The following PDE4D variants were observed in gnomAD, a reference collection of about 807,000 sequenced individuals.
The protein encoded by PDE4D is phosphodiesterase 4D, also known as 3',5'-cyclic-AMP phosphodiesterase 4D.
In PDE4D, 24 loss-of-function variants were observed where a neutral mutation model predicts 87.4. That is an observed-to-expected ratio of 0.27 (90% CI 0.20 to 0.39). The LOEUF (loss-of-function observed/expected upper bound fraction) is 0.39. PDE4D is among the 10% of genes least tolerant of loss of function. The pLI, the probability that PDE4D is intolerant of heterozygous loss-of-function variation, is 1.00. For missense variants in PDE4D, 714 were observed against 1,041.0 expected (o/e 0.69, Z 4.32); for synonymous variants, 384 against 383.2 (o/e 1.00, Z -0.02).
At chr5:59,805,007 G>T (rs943608858) in intron 1 of PDE4D, among the ~76,000 whole-genome samples, 2 of 152,118 alleles carry the variant, frequency 1.3e-5, no homozygotes, top group African/African-American at 4.8e-5. Context: ...TGGCCAGGCT[G>T]ATCTCAAATT....
chr5:60,085,854 C>T (rs1412630024), intron 2 of PDE4D, among the ~76,000 whole-genome samples: 1 of 152,116 alleles, frequency 6.6e-6, no homozygotes, highest in Non-Finnish European at 1.5e-5. Flanking sequence ...AGGTGAAAGG[C>T]CATGTTTATG....
At chr5:60,287,893 G>A (rs1034860534) in intron 1 of PDE4D, among the ~76,000 whole-genome samples, 1 of 152,148 alleles carries the variant, frequency 6.6e-6, no homozygotes, top group South Asian at 2.1e-4. Context: ...CCAAGAGGGA[G>A]GTACCTGATG....
At chr5:59,023,514 G>A (rs975694306) in intron 6 of PDE4D, among the ~76,000 whole-genome samples, 2 of 151,802 alleles carry the variant, frequency 1.3e-5, no homozygotes, top group East Asian at 1.9e-4. Flanking sequence ...CAGAAAAGCC[G>A]GTCTGGTGGC....
At chr5:59,482,293 A>T (rs1326205467) in intron 1 of PDE4D, among the ~76,000 whole-genome samples, 1 of 152,104 alleles carries the variant, frequency 6.6e-6, no homozygotes, top group East Asian at 1.9e-4. Context: ...TTAAGTGATG[A>T]TGTGTTTGTT....
At chr5:59,507,679 A>AAGAAAAG (rs1554198806) in intron 1 of PDE4D, among the ~76,000 whole-genome samples, 1 of 118,712 alleles carries the variant, frequency 8.4e-6, no homozygotes, top group Admixed American at 9.2e-5. Flanking sequence ...AAAAAAAAAA[A>AAGAAAAG]AAAAGAAAAG....
At chr5:60,182,780 T>C (rs1164875189) in intron 2 of PDE4D, among the ~76,000 whole-genome samples, 1 of 151,120 alleles carries the variant, frequency 6.6e-6, no homozygotes, top group African/African-American at 2.4e-5. Context: ...CTCGGGAGGC[T>C]GAGGCAGGAG....
At chr5:59,888,018 A>T (rs1750417343) in intron 1 of PDE4D, among the ~76,000 whole-genome samples, 1 of 152,206 alleles carries the variant, frequency 6.6e-6, no homozygotes. Context: ...TGTGTTAAGT[A>T]ATTTAACCCC....
intron 1 of PDE4D, among the ~76,000 whole-genome samples, chr5:60,204,188 A>G (rs1222202714): frequency 1.3e-5 from 2 of 152,088 alleles, no homozygotes; most frequent in Non-Finnish European, 2.9e-5. Flanking sequence ...CTGTCTGTCT[A>G]TCTATCTATC....
chr5:59,587,484 C>A, intron 1 of PDE4D: 1 of 985,432 alleles, frequency 1.0e-6, no homozygotes, highest in Non-Finnish European at 1.2e-6. Context: ...TGGCAACAGG[C>A]TCCTGCTGGA....
At chr5:59,800,804 A>C (rs1201544152) in intron 1 of PDE4D, among the ~76,000 whole-genome samples, 2 of 152,174 alleles carry the variant, frequency 1.3e-5, no homozygotes, top group African/African-American at 4.8e-5. Context: ...ACTTTCTAAA[A>C]ATACGCAAAT....
intron 1 of PDE4D, among the ~76,000 whole-genome samples, chr5:60,377,077 C>T (rs1471602000): frequency 3.3e-5 from 5 of 152,222 alleles, no homozygotes; most frequent in Non-Finnish European, 7.3e-5. Context: ...GCTTTTAGCA[C>T]ACTTCCTGGT....
At chr5:59,939,225 A>ATG (rs1756923273) in intron 3 of PDE4D, among the ~76,000 whole-genome samples, 1 of 152,142 alleles carries the variant, frequency 6.6e-6, no homozygotes, top group African/African-American at 2.4e-5. Context: ...GAGTGTAGCT[A>ATG]TGTGTGTGTG....
At chr5:59,841,128 AT>A (rs1330509982) in intron 1 of PDE4D, among the ~76,000 whole-genome samples, 3 of 152,202 alleles carry the variant, frequency 2.0e-5, no homozygotes, top group African/African-American at 7.2e-5. Flanking sequence ...CACTGAGATA[AT>A]TCTAGCCCAT....
intron 1 of PDE4D, among the ~76,000 whole-genome samples, chr5:59,564,339 A>G (rs1020988923): frequency 6.6e-6 from 1 of 152,186 alleles, no homozygotes; most frequent in Non-Finnish European, 1.5e-5. Context: ...AACTTCTATG[A>G]GCTCAGTTCA....
intron 1 of PDE4D, among the ~76,000 whole-genome samples, chr5:59,687,652 T>A (rs1023738129): frequency 6.6e-6 from 1 of 152,204 alleles, no homozygotes; most frequent in Admixed American, 6.5e-5. Context: ...AGGAAGAGAC[T>A]GCATCAACTA....
chr5:59,199,389 G>A (rs1187598940), intron 2 of PDE4D, among the ~76,000 whole-genome samples: 1 of 151,908 alleles, frequency 6.6e-6, no homozygotes, highest in Admixed American at 6.6e-5. Context: ...CACCGCGCTG[G>A]CCGAATGGAA....
chr5:59,005,048 A>C (rs78700873), intron 6 of PDE4D, among the ~76,000 whole-genome samples: 1 of 152,228 alleles, frequency 6.6e-6, no homozygotes, highest in African/African-American at 2.4e-5. Context: ...GATGCAAAAC[A>C]TCAATATTTT....
At chr5:60,232,271 C>A (rs1745905217) in intron 1 of PDE4D, among the ~76,000 whole-genome samples, 1 of 151,908 alleles carries the variant, frequency 6.6e-6, no homozygotes, top group African/African-American at 2.4e-5. Flanking sequence ...TTAAGCAATA[C>A]TGTGGTTATC....
chr5:59,781,195 A>T (rs1456844360), intron 1 of PDE4D, among the ~76,000 whole-genome samples: 1 of 149,242 alleles, frequency 6.7e-6, no homozygotes, highest in Non-Finnish European at 1.5e-5. Context: ...AAAGACGGTG[A>T]TAGAACAGAA....
Sources: gnomAD v4.1 joint callset for allele counts (sites outside exome capture counted in the v4.1 genomes callset) on GRCh38, gnomAD v4.1.1 for gene constraint, MANE v1.5 for transcripts, NCBI Gene and HGNC (gene_info 2026-07-23, HGNC 2026-07-21) for gene names.